Variants in GATB observed in about 807,000 individuals in gnomAD.
The protein encoded by GATB is glutamyl-tRNA(Gln) amidotransferase subunit B, mitochondrial.
Under a neutral mutation model 62.3 loss-of-function variants are expected in GATB, and 39 were observed. The ratio of observed to expected loss-of-function variants is 0.63; its 90% CI spans 0.48 to 0.82. The LOEUF (loss-of-function observed/expected upper bound fraction) is 0.82, where lower values mean the gene tolerates loss of function less well. Among genes scored for constraint, GATB ranks in the 40% least tolerant of loss-of-function variants. The pLI is 0.00. For missense variants in GATB, 670 were observed against 684.0 expected (o/e 0.98, Z 0.23); for synonymous variants, 276 against 258.9 (o/e 1.07, Z -0.63).
chr4:151,740,761 G>A (rs1039106899), intron 2 of GATB, among the ~76,000 whole-genome samples: 1 of 152,292 alleles, frequency 6.6e-6, no homozygotes, highest in South Asian at 2.1e-4. Flanking sequence ...TGTTAAGTTC[G>A]GGAACTGTCC....
At chr4:151,727,655 C>A (rs1021948379) in intron 2 of GATB, among the ~76,000 whole-genome samples, 4 of 152,188 alleles carry the variant, frequency 2.6e-5, no homozygotes, top group Admixed American at 2.6e-4. Flanking sequence ...TCAGAAAGAA[C>A]AGAATCTGAA....
At chr4:151,723,653 G>C (rs1435522581) in intron 2 of GATB, 1 of 152,218 alleles carries the variant, frequency 6.6e-6, no homozygotes, top group Non-Finnish European at 1.5e-5. Context: ...TTTCAGTGCA[G>C]TCTCTGGCAT....
chr4:151,672,948 C>A, intron 11 of GATB, 52 bp from the exon 12 acceptor site: 1 of 1,601,378 alleles, frequency 6.2e-7, no homozygotes, highest in Admixed American at 1.7e-5. Flanking sequence ...AGCTCTTCTG[C>A]CAGCTCCATT....
chr4:151,741,710 G>A (rs1439926353), intron 2 of GATB, among the ~76,000 whole-genome samples: 1 of 152,232 alleles, frequency 6.6e-6, no homozygotes, highest in Non-Finnish European at 1.5e-5. Flanking sequence ...CTCAGGTGGA[G>A]AGGAAAGCGA....
At position 151,755,775 on chromosome 4, in the gene GATB, T is replaced by C. The variant is rs76831878; in HGVS notation, c.327+2997A>G. Among the ~76,000 whole-genome samples, 1,407 of 152,334 alleles carry C rather than the reference T, an allele frequency of 9.2e-3. 20 individuals are homozygous for C. Among genetic ancestry groups the C allele is most frequent in the African/African-American group, 0.032 (1,338 of 41,578 alleles). ...AAATAACTTATCCTTTTCCCACTGA[T>C]TTTTGCTTCTTCTTACATATATTTT... On this transcript the variant is annotated intron_variant, in intron 2 of 12. Transcript: ENST00000263985.
intron 10 of GATB, among the ~76,000 whole-genome samples, chr4:151,687,594 C>T (rs551199207): frequency 1.3e-5 from 2 of 152,258 alleles, no homozygotes; most frequent in East Asian, 3.9e-4. Context: ...TATTTGTGTC[C>T]CACCCCAAAT....
At chr4:151,742,085 A>T (rs1000445307) in intron 2 of GATB, among the ~76,000 whole-genome samples, 8 of 133,084 alleles carry the variant, frequency 6.0e-5, no homozygotes, top group African/African-American at 2.5e-4. Flanking sequence ...GAAGGGAGGG[A>T]TATGGTTTTT....
intron 2 of GATB, among the ~76,000 whole-genome samples, chr4:151,732,038 CCGTCCGGG>C (rs1197261420): frequency 3.3e-5 from 4 of 120,888 alleles, no homozygotes; most frequent in African/African-American, 1.6e-4. Flanking sequence ...GCCAGCCGCC[CCGTCCGGG>C]AGGGAGGTGG....
At chr4:151,743,103 A>G (rs1259257590) in intron 2 of GATB, among the ~76,000 whole-genome samples, 1 of 152,256 alleles carries the variant, frequency 6.6e-6, no homozygotes, top group East Asian at 1.9e-4. Flanking sequence ...TTAGTGAACT[A>G]GAAGTCAGTG....
At chr4:151,708,365 G>A (rs2126973043) in intron 5 of GATB, among the ~76,000 whole-genome samples, 1 of 152,336 alleles carries the variant, frequency 6.6e-6, no homozygotes, top group East Asian at 1.9e-4. Context: ...TGCACATATG[G>A]AAGAGAAGTT....
intron 2 of GATB, among the ~76,000 whole-genome samples, chr4:151,728,598 G>A (rs1458531389): frequency 1.3e-5 from 2 of 152,098 alleles, no homozygotes; most frequent in Non-Finnish European, 2.9e-5. Context: ...TACTGAAACT[G>A]TCAAGTCTTT....
At chr4:151,711,149 C>A (rs1175146879) in intron 5 of GATB, among the ~76,000 whole-genome samples, 1 of 152,176 alleles carries the variant, frequency 6.6e-6, no homozygotes, top group Admixed American at 6.5e-5. Flanking sequence ...ATCTTCACTG[C>A]CACCAGTGCT....
At position 151,708,014 on chromosome 4, in the gene GATB, C is replaced by T; in HGVS notation, c.851G>A (p.Ser284Asn). The change falls in exon 6 of 13, where the codon AGC (serine) becomes AAC (asparagine). Residue 284 changes from serine (S) to asparagine (N), a missense_variant. Physicochemically the swap from Ser to Asn is conservative, Grantham distance 46. Coordinates refer to ENST00000263985, the MANE Select transcript of GATB (RefSeq NM_004564.3). ...GVRTEVKNLN[S>N]IRFLAKAIDY... ...TATGGCTTTGGCCAGGAACCTGATG[C>T]TGTTGAGATTCTTCACTTCCGTTCG... 6.2e-7 allele frequency: 1 copy of T among 1,613,650 alleles called. No individual in the cohort carries two copies. The highest frequency in any genetic ancestry group is 8.5e-7 in the Non-Finnish European group (1 of 1,179,484).
At chr4:151,753,025 T>G (rs1483053512) in intron 2 of GATB, among the ~76,000 whole-genome samples, 1 of 152,030 alleles carries the variant, frequency 6.6e-6, no homozygotes, top group Non-Finnish European at 1.5e-5. Flanking sequence ...CTCCTGCAGA[T>G]TCTTGCTTGG....
At chr4:151,745,461 T>C (rs1739575790) in intron 2 of GATB, among the ~76,000 whole-genome samples, 1 of 152,262 alleles carries the variant, frequency 6.6e-6, no homozygotes, top group East Asian at 1.9e-4. Context: ...GCTGCAGATT[T>C]ACCTAGCTTG....
intron 9 of GATB, among the ~76,000 whole-genome samples, chr4:151,699,629 C>T (rs549748236): frequency 1.3e-5 from 2 of 152,248 alleles, no homozygotes; most frequent in African/African-American, 4.8e-5. Context: ...GGCACTGTCC[C>T]CATCACCGCT....
At chr4:151,681,539 C>T (rs915039324) in intron 10 of GATB, among the ~76,000 whole-genome samples, 12 of 152,068 alleles carry the variant, frequency 7.9e-5, no homozygotes, top group African/African-American at 2.9e-4. Flanking sequence ...TAGAAAATAC[C>T]ATGGCCCATT....
chr4:151,753,352 G>A (rs188164734), intron 2 of GATB, among the ~76,000 whole-genome samples: 5 of 152,204 alleles, frequency 3.3e-5, no homozygotes, highest in South Asian at 2.1e-4. Context: ...CCCACATCCT[G>A]AGCGTTTTTA....
intron 2 of GATB, among the ~76,000 whole-genome samples, chr4:151,731,122 C>T (rs957386025): frequency 4.7e-5 from 7 of 150,468 alleles, no homozygotes; most frequent in Non-Finnish European, 1.0e-4. Flanking sequence ...CCCCTCTCCC[C>T]ACGGTCTCCC....
Sources: gnomAD v4.1 joint callset for allele counts (sites outside exome capture counted in the v4.1 genomes callset) on GRCh38, gnomAD v4.1.1 for gene constraint, MANE v1.5 for transcripts, NCBI Gene and HGNC (gene_info 2026-07-23, HGNC 2026-07-21) for gene names.